DIAPH2: variants seen among roughly 807,000 people sequenced by gnomAD.
The protein encoded by DIAPH2 is protein diaphanous homolog 2.
Under a neutral mutation model 92.7 loss-of-function variants are expected in DIAPH2, and 35 were observed. That is an observed-to-expected ratio of 0.38 (90% CI 0.29 to 0.50). The LOEUF (loss-of-function observed/expected upper bound fraction) is 0.50. Among genes scored for constraint, DIAPH2 ranks in the 20% least tolerant of loss-of-function variants. The pLI is 0.94. For missense variants in DIAPH2, 701 were observed against 819.5 expected (o/e 0.86, Z 1.77); for synonymous variants, 301 against 280.4 (o/e 1.07, Z -0.73).
intron 8 of DIAPH2, among the ~76,000 whole-genome samples, chrX:96,917,103 G>C (rs769222057): frequency 9.0e-6 from 1 of 111,577 alleles, no homozygotes; most frequent in South Asian, 3.7e-4. Flanking sequence ...AGTTGTTGCT[G>C]AACATGCATT....
chrX:97,020,861 A>C (rs1038773856), intron 17 of DIAPH2, among the ~76,000 whole-genome samples: 1 of 112,242 alleles, frequency 8.9e-6, no homozygotes, highest in South Asian at 3.8e-4. Flanking sequence ...TTTGGACTGC[A>C]GTTGACCATG....
chrX:97,115,108 A>G, intron 21 of DIAPH2, 143 bp downstream of exon 21: 1 of 497,981 alleles, frequency 2.0e-6, no homozygotes, highest in Non-Finnish European at 3.0e-6. Context: ...TTATATCTCA[A>G]TTCAAACAAA....
chrX:96,858,208 C>A (rs188710756), intron 4 of DIAPH2, among the ~76,000 whole-genome samples: 103 of 111,636 alleles, frequency 9.2e-4, no homozygotes, highest in Middle Eastern at 4.6e-3. Flanking sequence ...TAGGTAAAAT[C>A]ATTCATGGTG....
At chrX:97,038,601 C>T (rs2066427748) in intron 17 of DIAPH2, among the ~76,000 whole-genome samples, 1 of 103,884 alleles carries the variant, frequency 9.6e-6, no homozygotes, top group African/African-American at 3.6e-5. Context: ...GTGGCGTGAT[C>T]TCGTCTCACT....
chrX:96,976,435 T>C (rs2065962614), intron 17 of DIAPH2, among the ~76,000 whole-genome samples: 1 of 111,477 alleles, frequency 9.0e-6, no homozygotes, highest in African/African-American at 3.3e-5. Context: ...AATTTCATCA[T>C]TTTAATTATA....
chrX:97,246,067 T>C (rs1318966248), intron 22 of DIAPH2, among the ~76,000 whole-genome samples: 1 of 106,319 alleles, frequency 9.4e-6, no homozygotes, highest in African/African-American at 3.4e-5. Context: ...CAGGCCTGGC[T>C]AATTTTTGTA....
chrX:97,017,038 C>A (rs1298528891), intron 17 of DIAPH2, among the ~76,000 whole-genome samples: 1 of 111,625 alleles, frequency 9.0e-6, no homozygotes, highest in Non-Finnish European at 1.9e-5. Context: ...AAGCTGTGCA[C>A]TACTTCTGTT....
At chrX:97,573,683 G>A (rs1470225092) in intron 26 of DIAPH2, among the ~76,000 whole-genome samples, 4 of 102,254 alleles carry the variant, frequency 3.9e-5, no homozygotes, top group African/African-American at 1.4e-4. Context: ...TTTTTGAGGT[G>A]GAGTTTCACT....
At chrX:97,486,835 T>C (rs936132534) in intron 26 of DIAPH2, among the ~76,000 whole-genome samples, 1 of 112,142 alleles carries the variant, frequency 8.9e-6, no homozygotes, top group African/African-American at 3.2e-5. Flanking sequence ...TATTGTTAAC[T>C]ATAGGCACTA....
At chrX:96,698,895 A>ATT (rs1305987976) in intron 1 of DIAPH2, among the ~76,000 whole-genome samples, 2 of 99,049 alleles carry the variant, frequency 2.0e-5, no homozygotes, top group South Asian at 4.6e-4. Flanking sequence ...GCCCCACTAA[A>ATT]TTTTTTTTTT....
intron 24 of DIAPH2, among the ~76,000 whole-genome samples, chrX:97,350,571 A>T (rs997380585): frequency 6.3e-5 from 7 of 111,871 alleles, no homozygotes; most frequent in East Asian, 2.8e-4. Flanking sequence ...CTTGTTTTTT[A>T]AAAATGTAAG....
intron 20 of DIAPH2, among the ~76,000 whole-genome samples, chrX:97,112,435 G>GA (rs1417452621): frequency 9.0e-6 from 1 of 111,170 alleles, no homozygotes; most frequent in Non-Finnish European, 1.9e-5. Context: ...AAAAGGAAAG[G>GA]AAAAATAAAG....
intron 26 of DIAPH2, among the ~76,000 whole-genome samples, chrX:97,557,381 A>G (rs2071264944): frequency 9.0e-6 from 1 of 111,539 alleles, no homozygotes; most frequent in Non-Finnish European, 1.9e-5. Context: ...TCTACCAAAA[A>G]TACAAAAATT....
At chrX:97,515,403 C>G (rs1238121197) in intron 26 of DIAPH2, among the ~76,000 whole-genome samples, 1 of 112,269 alleles carries the variant, frequency 8.9e-6, no homozygotes, top group Non-Finnish European at 1.9e-5. Context: ...GTCCTGCGCC[C>G]ACTGTCTGGC....
intron 23 of DIAPH2, among the ~76,000 whole-genome samples, chrX:97,311,484 G>A (rs1435005446): frequency 9.0e-6 from 1 of 111,328 alleles, no homozygotes; most frequent in Non-Finnish European, 1.9e-5. Flanking sequence ...GGACAACTTG[G>A]TGGGGGGAAG....
intron 22 of DIAPH2, among the ~76,000 whole-genome samples, chrX:97,240,381 T>C (rs975344322): frequency 6.5e-4 from 72 of 109,980 alleles, no homozygotes; most frequent in Non-Finnish European, 4.4e-4. Context: ...CCGAGGAGGG[T>C]GGATCACGAG....
At chrX:97,087,654 A>G (rs1451297038) in intron 19 of DIAPH2, among the ~76,000 whole-genome samples, 1 of 111,914 alleles carries the variant, frequency 8.9e-6, no homozygotes, top group Non-Finnish European at 1.9e-5. Context: ...ATTAAATATG[A>G]GCATATGTTA....
At chrX:96,757,119 G>T (rs955948699) in intron 3 of DIAPH2, among the ~76,000 whole-genome samples, 1 of 108,888 alleles carries the variant, frequency 9.2e-6, no homozygotes, top group Non-Finnish European at 1.9e-5. Flanking sequence ...GGGTTTCACC[G>T]TGTTAGCCAG....
At chrX:96,722,857 G>A (rs2147551776) in intron 1 of DIAPH2, among the ~76,000 whole-genome samples, 1 of 111,558 alleles carries the variant, frequency 9.0e-6, no homozygotes, top group South Asian at 3.8e-4. Flanking sequence ...ACTCTACATT[G>A]TTGGCTACTG....
Sources: allele counts gnomAD v4.1 joint callset (sites outside exome capture counted in the v4.1 genomes callset), GRCh38; gene constraint gnomAD v4.1.1; transcripts MANE v1.5; gene names NCBI Gene and HGNC (gene_info 2026-07-23, HGNC 2026-07-21).